The following ZNF573 variants were observed in gnomAD, a reference collection of about 807,000 sequenced individuals.
ZNF573 encodes the protein zinc finger protein 573.
ZNF573 carries 41 observed loss-of-function variants against 57.4 expected under a neutral mutation model. The ratio of observed to expected loss-of-function variants is 0.71; its 90% confidence interval spans 0.56 to 0.93. The LOEUF (loss-of-function observed/expected upper bound fraction) is 0.93. Among genes scored for constraint, ZNF573 ranks in the 40% least tolerant of loss-of-function variants. The probability of loss-of-function intolerance (pLI) is 0.00; values close to 1 mark genes in which losing one functional copy is unlikely to be tolerated. For synonymous variants in ZNF573, 249 were observed against 261.0 expected (o/e 0.95, Z 0.44); for missense variants, 730 against 794.8 (o/e 0.92, Z 0.98).
Position 37,740,856 on chromosome 19 carries a change from T to A in ZNF573, c.296-662A>T, listed in dbSNP as rs2045320840. On this transcript the variant is annotated intron_variant, in intron 4 of 4. Coordinates refer to ENST00000536220, the MANE Select transcript of ZNF573 (RefSeq NM_001172690.2). ...ATTTGCACATAACCTATAAACATCT[T>A]CCTGTATACTTTAAATCATCTCTGG... 1.9e-5 allele frequency: 5 copies of A among 267,918 alleles called. No homozygotes were observed. The South Asian group carries it at 1.9e-4, about 10-fold the overall frequency. The allele number at this position is 267,918 out of a possible 1,614,324, so 16.6% of individuals were successfully genotyped here.
At chr19:37,753,082 C>A (rs2045453564) in intron 4 of ZNF573, among the ~76,000 whole-genome samples, 1 of 152,024 alleles carries the variant, frequency 6.6e-6, no homozygotes, top group Non-Finnish European at 1.5e-5. Flanking sequence ...AAGCAAGACC[C>A]CGTCTCTACA....
intron 4 of ZNF573, among the ~76,000 whole-genome samples, chr19:37,763,752 G>GT (rs750793294): frequency 4.0e-5 from 6 of 151,784 alleles, no homozygotes; most frequent in Non-Finnish European, 5.9e-5. Flanking sequence ...TTCTAAGAAT[G>GT]TTTTATGTGT....
chr19:37,738,932 G>T lies in ZNF573; in HGVS notation c.1558C>A (p.His520Asn), dbSNP rs2033712057. Residue 520 changes from histidine to asparagine, a missense_variant, in exon 5 of 5, where the codon CAT becomes AAT. By Grantham distance (68) the His-to-Asn change is moderately conservative. Coordinates refer to ENST00000536220, the MANE Select transcript of ZNF573 (RefSeq NM_001172690.2). ...CATTCATAGGGTTTCATACCAGTAT[G>T]AATTTTCTGATGTTGATTAAGATAT... ...HGYLNQHQKI[H>N]TGMKPYECKV... 5 of 1,610,552 alleles carry T rather than the reference G, an allele frequency of 3.1e-6. No homozygotes were observed. Among genetic ancestry groups the T allele is most frequent in the Non-Finnish European group, 2.5e-6 (3 of 1,176,996 alleles).
chr19:37,763,410 C>T (rs1032511429), intron 4 of ZNF573, among the ~76,000 whole-genome samples: 1 of 151,240 alleles, frequency 6.6e-6, no homozygotes, highest in Non-Finnish European at 1.5e-5. Flanking sequence ...TGTAAAAATA[C>T]AAAAATTAGC....
intron 1 of ZNF573, among the ~76,000 whole-genome samples, chr19:37,773,975 A>G (rs905963521): frequency 2.6e-5 from 4 of 152,112 alleles, no homozygotes; most frequent in Non-Finnish European, 5.9e-5. Flanking sequence ...TCCAGACAAG[A>G]TAGCAAGAGG....
chr19:37,752,435 G>C (rs573689370), intron 4 of ZNF573, among the ~76,000 whole-genome samples: 2 of 152,232 alleles, frequency 1.3e-5, no homozygotes, highest in African/African-American at 4.8e-5. Flanking sequence ...AAAAGAATGA[G>C]TATTGATACC....
intron 4 of ZNF573, among the ~76,000 whole-genome samples, chr19:37,741,343 C>T (rs1431454754): frequency 6.6e-6 from 1 of 152,118 alleles, no homozygotes. Context: ...TAGTTCACTG[C>T]AGCCTTGTAC....
chr19:37,745,594 C>G (rs2045374588), intron 4 of ZNF573, among the ~76,000 whole-genome samples: 1 of 151,928 alleles, frequency 6.6e-6, no homozygotes, highest in South Asian at 2.1e-4. Flanking sequence ...CAGGGTTTCA[C>G]CATGTTGGAC....
At chr19:37,759,103 T>TA (rs1481845892) in intron 4 of ZNF573, 1 of 503,588 alleles carries the variant, frequency 2.0e-6, no homozygotes, top group East Asian at 1.5e-4. Context: ...GCCCAGGAGT[T>TA]AGAGACCAGC....
rs2045680609 is a variant in ZNF573, at chr19:37,773,747, C to G, written c.-18G>C. ...GGAAACATTCAAACTCCAGAGAATC[C>G]AGAGCTGAGAGAAGAAAAGAGATGT... is the stretch of plus-strand genomic sequence containing the variant. On this transcript the variant is annotated 5_prime_UTR_variant, in exon 2 of 5. Transcript: ENST00000536220. The G allele has an allele frequency of 6.5e-7, 1 of 1,527,126 alleles. No individual in the cohort carries two copies. 94.6% of individuals were successfully genotyped at this position (1,527,126 alleles called of 1,614,324 possible).
intron 4 of ZNF573, 135 bp from the exon 5 acceptor site, chr19:37,740,329 G>C (rs1401477950): frequency 1.3e-6 from 1 of 785,188 alleles, no homozygotes; most frequent in African/African-American, 1.7e-5. Context: ...TACGAAATTT[G>C]AAAAAGGCCA....
rs1246152641 is a variant in ZNF573 at position 37,738,793 on chromosome 19, C to G, written c.1697G>C (p.Ser566Thr). 1.2e-6 allele frequency: 2 copies of G among 1,613,914 alleles called. No individual in the cohort carries two copies. The highest frequency in any genetic ancestry group is 2.7e-5 in the African/African-American group (2 of 74,862). ...CKECGKTFRR[S>T]SHLTAHQSIH... is the part of the protein sequence containing the mutation. ...GCTCTGATGTGCAGTAAGGTGTGAA[C>G]TACGTCTAAAGGTCTTCCCACATTC... Residue 566 changes from serine (S) to threonine (T), a missense_variant, in exon 5 of 5, where the codon AGT becomes ACT. Ser to Thr is a moderately conservative substitution (Grantham distance 58). Transcript: ENST00000536220.
At chr19:37,757,743 G>A (rs1374051584) in intron 4 of ZNF573, among the ~76,000 whole-genome samples, 1 of 152,110 alleles carries the variant, frequency 6.6e-6, no homozygotes, top group Non-Finnish European at 1.5e-5. Flanking sequence ...ACATGCACAT[G>A]TATGTTTATT....
chr19:37,779,278 C>G (rs1276135282), intron 1 of ZNF573, among the ~76,000 whole-genome samples: 3 of 152,204 alleles, frequency 2.0e-5, no homozygotes, highest in Non-Finnish European at 4.4e-5. Flanking sequence ...CACGCAGTTT[C>G]TCTGTCACAC....
intron 1 of ZNF573, among the ~76,000 whole-genome samples, chr19:37,776,938 C>T (rs190427619): frequency 1.3e-5 from 2 of 152,096 alleles, no homozygotes; most frequent in Non-Finnish European, 2.9e-5. Flanking sequence ...CAATGTGATA[C>T]CAATTTGCTC....
chr19:37,759,192 TA>T, intron 4 of ZNF573: 1 of 597,604 alleles, frequency 1.7e-6, no homozygotes, highest in Non-Finnish European at 2.1e-6. Context: ...TAGAAGTATA[TA>T]ATTACATATT....
chr19:37,778,836 G>GT (rs2045736665), intron 1 of ZNF573, among the ~76,000 whole-genome samples: 1 of 152,112 alleles, frequency 6.6e-6, no homozygotes, highest in Non-Finnish European at 1.5e-5. Context: ...ACACATGGAG[G>GT]TAGGAGAGAG....
intron 1 of ZNF573, among the ~76,000 whole-genome samples, chr19:37,778,971 CT>C (rs1282355739): frequency 6.6e-6 from 1 of 152,174 alleles, no homozygotes; most frequent in Non-Finnish European, 1.5e-5. Context: ...CGTTTCCAAT[CT>C]CACAGCAAGT....
chr19:37,779,231 C>G (rs148222624), intron 1 of ZNF573, among the ~76,000 whole-genome samples: 2,461 of 152,166 alleles, frequency 0.016, 32 homozygotes, highest in Middle Eastern at 0.037. Context: ...GCCTCACAAC[C>G]GCACCCACCG....
Sources: allele counts gnomAD v4.1 joint callset (sites outside exome capture counted in the v4.1 genomes callset), GRCh38; gene constraint gnomAD v4.1.1; transcripts MANE v1.5; gene names NCBI Gene and HGNC (gene_info 2026-07-23, HGNC 2026-07-21).